Variants in ZEB1 observed in about 807,000 individuals in gnomAD.
ZEB1 encodes zinc finger E-box binding homeobox 1, also known as zinc finger E-box-binding homeobox 1.
In ZEB1, 21 loss-of-function variants were observed where a neutral mutation model predicts 84.9. The ratio of observed to expected loss-of-function variants is 0.25; its 90% CI spans 0.18 to 0.36. ZEB1 has a LOEUF of 0.36. Ranked by LOEUF, ZEB1 falls within the 10% of genes least tolerant of loss-of-function variation. The probability of loss-of-function intolerance (pLI) is 1.00; values close to 1 mark genes in which losing one functional copy is unlikely to be tolerated. For synonymous variants in ZEB1, 420 were observed against 471.1 expected (o/e 0.89, Z 1.41); for missense variants, 1,104 against 1,330.2 (o/e 0.83, Z 2.65).
intron 1 of ZEB1, among the ~76,000 whole-genome samples, chr10:31,413,271 T>TA (rs1280779725): frequency 1.3e-5 from 2 of 152,236 alleles, no homozygotes; most frequent in African/African-American, 4.8e-5. Context: ...AATATACTGA[T>TA]AAAGTGGTAA....
At chr10:31,319,996 C>T (rs1208341130) in intron 1 of ZEB1, 4 of 150,656 alleles carry the variant, frequency 2.7e-5, no homozygotes, top group Admixed American at 6.6e-5. Flanking sequence ...AGGGTTCGGC[C>T]GGCGGCGGTA....
intron 2 of ZEB1, among the ~76,000 whole-genome samples, chr10:31,488,209 T>A (rs2138728163): frequency 6.6e-6 from 1 of 151,396 alleles, no homozygotes; most frequent in Admixed American, 6.6e-5. Flanking sequence ...TGGAGTTTTG[T>A]TTTGCTTAGG....
chr10:31,446,108 T>C (rs920792934), intron 1 of ZEB1, among the ~76,000 whole-genome samples: 2 of 151,332 alleles, frequency 1.3e-5, no homozygotes, highest in Non-Finnish European at 2.9e-5. Flanking sequence ...GTTATTGGTC[T>C]ATTCAGAGAT....
intron 1 of ZEB1, among the ~76,000 whole-genome samples, chr10:31,338,349 C>T (rs2038644700): frequency 6.6e-6 from 1 of 151,982 alleles, no homozygotes; most frequent in African/African-American, 2.4e-5. Flanking sequence ...TGAGAAAGAT[C>T]CTGCTATCTT....
Position 31,465,459 on chromosome 10 carries a change from A to AT in ZEB1, c.259+4222_259+4223insT, listed in dbSNP as rs751680695. Among the ~76,000 whole-genome samples the AT allele has an allele frequency of 4.9e-4, 73 of 149,848 alleles. No homozygotes were observed. In the South Asian group the frequency reaches 6.9e-3, roughly 14 times the overall value. On this transcript the variant is annotated intron_variant, in intron 2 of 8. Coordinates refer to ENST00000424869, the MANE Select transcript of ZEB1 (RefSeq NM_001174096.2). ...AAAGATAAACCATGCGATTGCAAAAAATATATATATATATATAAAATATCA... is the reference window on the plus strand; with the variant it reads ...AAAGATAAACCATGCGATTGCAAAAATATATATATATATATATAAAATATCA...
intron 1 of ZEB1, among the ~76,000 whole-genome samples, chr10:31,449,418 C>T (rs955123165): frequency 1.3e-5 from 2 of 152,208 alleles, no homozygotes; most frequent in Non-Finnish European, 2.9e-5. Flanking sequence ...TGTTCCTATT[C>T]GGCCATCTTG....
At chr10:31,347,831 A>C (rs1238739577) in intron 1 of ZEB1, among the ~76,000 whole-genome samples, 1 of 152,162 alleles carries the variant, frequency 6.6e-6, no homozygotes, top group Non-Finnish European at 1.5e-5. Context: ...ATTATTGGGC[A>C]TACCCTTTTA....
chr10:31,403,725 T>G (rs2052478906), intron 1 of ZEB1, among the ~76,000 whole-genome samples: 1 of 152,022 alleles, frequency 6.6e-6, no homozygotes, highest in Non-Finnish European at 1.5e-5. Context: ...TGATTACTAG[T>G]ATATTATGTA....
In ZEB1 at chr10:31,461,114, A is replaced by G. The variant is rs1468006781; in HGVS notation, c.136A>G (p.Ser46Gly). The change falls in exon 2 of 9, where the codon AGT becomes GGT. Residue 46 changes from serine (S) to glycine (G), a missense_variant. Ser to Gly is a moderately conservative substitution (Grantham distance 56). Coordinates refer to ENST00000424869, the MANE Select transcript of ZEB1 (RefSeq NM_001174096.2). ...CAAACTGCATATTGTGGAAGAAGAA[A>G]GTGTTACAGATGCAGCTGACTGTGA... ...EDKLHIVEEE[S>G]VTDAADCEGV... The G allele has an allele frequency of 1.2e-6, 2 of 1,613,638 alleles. No homozygotes were observed. Among genetic ancestry groups the G allele is most frequent in the East Asian group, 2.2e-5 (1 of 44,836 alleles).
intron 1 of ZEB1, among the ~76,000 whole-genome samples, chr10:31,443,303 C>T (rs1591321976): frequency 6.6e-6 from 1 of 151,682 alleles, no homozygotes; most frequent in African/African-American, 2.4e-5. Flanking sequence ...CACAATTTGT[C>T]GTTTGTCTTT....
At chr10:31,380,939 TG>T (rs1470961431) in intron 1 of ZEB1, among the ~76,000 whole-genome samples, 1 of 152,214 alleles carries the variant, frequency 6.6e-6, no homozygotes, top group African/African-American at 2.4e-5. Flanking sequence ...GGAGACCTTT[TG>T]CCAGTTTTAT....
intron 2 of ZEB1, among the ~76,000 whole-genome samples, chr10:31,473,995 C>A (rs1452255485): frequency 6.6e-6 from 1 of 152,144 alleles, no homozygotes; most frequent in Non-Finnish European, 1.5e-5. Context: ...TCTGGGAAAA[C>A]CGGCTAGCCA....
In ZEB1 at chr10:31,452,701, ATGTGTG is replaced by A. The variant is rs377004895; in HGVS notation, c.59-8299_59-8294del. ...TGCCAGTGACTGTATTTAGGATAAA[ATGTGTG>A]TGTGTGTGTGTGTGTGTGTGTGTGT... On this transcript the variant is annotated intron_variant, in intron 1 of 8. Transcript: ENST00000424869. Among the ~76,000 whole-genome samples the A allele has an allele frequency of 2.6e-3, 234 of 90,328 alleles. 1 individual carries two copies. The highest frequency in any genetic ancestry group is 7.1e-3 in the African/African-American group (195 of 27,654). 59.3% of individuals were successfully genotyped at this position (90,328 alleles called of 152,430 possible).
At chr10:31,321,472 T>G in intron 1 of ZEB1, 1 of 1,614,044 alleles carries the variant, frequency 6.2e-7, no homozygotes, top group Non-Finnish European at 8.5e-7. Context: ...TGTTTTAGCG[T>G]CAAATAGTGT....
chr10:31,526,576 C>G, intron 8 of ZEB1, 96 bp from the exon 9 acceptor site: 1 of 1,424,138 alleles, frequency 7.0e-7, no homozygotes. Flanking sequence ...AACTAATAAC[C>G]CTCCCCTTTC....
chr10:31,527,212 AAGT>A lies in ZEB1; in HGVS notation c.3329_3331del (p.Val1110del), dbSNP rs752628396. The A allele has an allele frequency of 1.6e-5, 25 of 1,611,342 alleles. No homozygotes were observed. The African/African-American group carries it at 2.1e-4, about 14-fold the overall frequency. ...AGTCAAGCAAGCAGCTTAGGACAAA[AAGT>A]AGGCGAGAGTAGTGAGCAAGTGTCT... is the stretch of plus-strand genomic sequence containing the variant. On this transcript the variant is annotated inframe_deletion, in exon 9 of 9. Transcript: ENST00000424869.
At chr10:31,362,745 G>T in intron 1 of ZEB1, 1 of 585,520 alleles carries the variant, frequency 1.7e-6, no homozygotes, top group Non-Finnish European at 3.1e-6. Context: ...TGCTCCTCAG[G>T]TCTCAATCTC....
At chr10:31,463,064 T>A (rs1266192673) in intron 2 of ZEB1, among the ~76,000 whole-genome samples, 1 of 152,194 alleles carries the variant, frequency 6.6e-6, no homozygotes, top group African/African-American at 2.4e-5. Context: ...TTAATGTTAA[T>A]ACTAAGCTCA....
Position 31,489,323 on chromosome 10 carries a change from G to T in ZEB1, c.260-6453G>T, listed in dbSNP as rs565868154. Among the ~76,000 whole-genome samples, 31 of 151,330 alleles carry T rather than the reference G, an allele frequency of 2.0e-4. No homozygotes were observed. In the East Asian group the frequency reaches 3.9e-3, roughly 19 times the overall value. On this transcript the variant is annotated intron_variant, in intron 2 of 8. Coordinates refer to ENST00000424869, the MANE Select transcript of ZEB1 (RefSeq NM_001174096.2). The stretch of plus-strand genomic sequence containing the variant: ...GTTAATGATATAATTTTTCATGATA[G>T]AATTTTTTATCCTTTTACTTTTAAA...
Sources: allele counts gnomAD v4.1 joint callset (sites outside exome capture counted in the v4.1 genomes callset), GRCh38; gene constraint gnomAD v4.1.1; transcripts MANE v1.5; gene names NCBI Gene and HGNC (gene_info 2026-07-23, HGNC 2026-07-21).